Variants in USP34 observed in about 807,000 individuals in gnomAD.
The protein encoded by USP34 is ubiquitin specific peptidase 34.
In USP34, 70 loss-of-function variants were observed where a neutral mutation model predicts 460.3. The observed-to-expected ratio is 0.15, with a 90% CI of 0.13 to 0.19. The LOEUF (loss-of-function observed/expected upper bound fraction) is 0.19, where lower values mean the gene tolerates loss of function less well. Among genes scored for constraint, USP34 ranks in the 10% least tolerant of loss-of-function variants. The pLI is 1.00. For missense variants in USP34, 3,985 were observed against 4,236.2 expected (o/e 0.94, Z 1.65); for synonymous variants, 1,647 against 1,405.3 (o/e 1.17, Z -3.85).
At chr2:61,299,516 G>C (rs1690152339) in intron 29 of USP34, among the ~76,000 whole-genome samples, 1 of 152,156 alleles carries the variant, frequency 6.6e-6, no homozygotes. Flanking sequence ...ACTTTAGGAG[G>C]CTGAGGTGGG....
chr2:61,455,936 C>CA (rs908058316), intron 1 of USP34, among the ~76,000 whole-genome samples: 6 of 152,014 alleles, frequency 3.9e-5, no homozygotes, highest in African/African-American at 1.4e-4. Context: ...ATGACAGGAG[C>CA]AAGATTTGAA....
chr2:61,348,972 C>T (rs1691855812), intron 13 of USP34, 86 bp from the exon 14 acceptor site: 3 of 1,425,204 alleles, frequency 2.1e-6, no homozygotes, highest in Non-Finnish European at 2.8e-6. Context: ...ATTCCTTGAC[C>T]TAGTTACCAA....
intron 75 of USP34, among the ~76,000 whole-genome samples, 153 bp downstream of exon 75, chr2:61,202,987 T>C (rs1687018900): frequency 1.3e-5 from 2 of 151,944 alleles, no homozygotes; most frequent in Admixed American, 1.3e-4. Context: ...GTTTTCTTAA[T>C]GAAAATTAAA....
chr2:61,349,533 T>C (rs1691879280), intron 12 of USP34, among the ~76,000 whole-genome samples: 3 of 151,982 alleles, frequency 2.0e-5, no homozygotes. Flanking sequence ...CCTTGAAAGC[T>C]ATGTATGTTA....
At chr2:61,429,400 T>C (rs1225495583) in intron 1 of USP34, among the ~76,000 whole-genome samples, 2 of 151,906 alleles carry the variant, frequency 1.3e-5, no homozygotes, top group South Asian at 2.1e-4. Flanking sequence ...TGAGCCAAGA[T>C]TGCACCACTG....
intron 69 of USP34, 25 bp downstream of exon 69, chr2:61,211,747 G>T: frequency 6.5e-7 from 1 of 1,541,710 alleles, no homozygotes; most frequent in South Asian, 1.2e-5. Flanking sequence ...AAATAAACAA[G>T]ACAAAACTAA....
intron 33 of USP34, among the ~76,000 whole-genome samples, chr2:61,289,464 G>A (rs1689783979): frequency 6.6e-6 from 1 of 151,954 alleles, no homozygotes; most frequent in African/African-American, 2.4e-5. Context: ...CAGCTGACTG[G>A]AAGCTCAATT....
intron 74 of USP34, 26 bp downstream of exon 74, chr2:61,204,230 T>G (rs1687053997): frequency 4.3e-6 from 7 of 1,613,974 alleles, no homozygotes; most frequent in Non-Finnish European, 5.9e-6. Flanking sequence ...TATAGCAACA[T>G]GGATTTTCCT....
chr2:61,419,398 T>C (rs1694294117), intron 2 of USP34, among the ~76,000 whole-genome samples: 1 of 152,076 alleles, frequency 6.6e-6, no homozygotes, highest in Non-Finnish European at 1.5e-5. Context: ...AACACTTTGA[T>C]ATTCTGATGA....
At chr2:61,196,571 C>T (rs560980091) in intron 75 of USP34, among the ~76,000 whole-genome samples, 2 of 151,984 alleles carry the variant, frequency 1.3e-5, no homozygotes, top group African/African-American at 2.4e-5. Context: ...CACTCTGTTG[C>T]CCAAAGCATG....
At position 61,219,967 on chromosome 2, in the gene USP34, C is replaced by A. The variant is rs1335065681; in HGVS notation, c.8047+343G>T. Among the ~76,000 whole-genome samples the A allele has an allele frequency of 3.3e-5, 5 of 151,636 alleles. No individual in the cohort carries two copies. In the South Asian group the frequency reaches 8.3e-4, roughly 25 times the overall value. On this transcript the variant is annotated intron_variant, in intron 67 of 79. Transcript: ENST00000398571. Reference sequence around the variant, plus strand: ...CTCATAATTTCAGCCAATATTTTCTCTCAGCTTATGTCTTTATTACCATTT... The same window carrying A: ...CTCATAATTTCAGCCAATATTTTCTATCAGCTTATGTCTTTATTACCATTT...
rs1572907824 is a variant in USP34, at chr2:61,294,833, T to C, written c.4461+116A>G. 1.3e-5 allele frequency: 11 copies of C among 839,448 alleles called. No homozygotes were observed. In the East Asian group the frequency reaches 2.8e-4, roughly 21 times the overall value. 52.0% of individuals were successfully genotyped at this position (839,448 alleles called of 1,614,324 possible). A position where few individuals can be genotyped will look rare whatever the true frequency, so the allele number is the denominator to read the frequency against. ...AAAGTAATACATGATTTTTAAACTA[T>C]GCTTTATTTTAATAGTATATTAGTT... On this transcript the variant is annotated intron_variant, in intron 32 of 79. Coordinates refer to ENST00000398571, the MANE Select transcript of USP34 (RefSeq NM_014709.4).
chr2:61,222,469 A>G lies in USP34; in HGVS notation c.7794+150T>C, dbSNP rs976893726. The G allele has an allele frequency of 1.1e-4, 68 of 594,410 alleles. 1 individual carries two copies. Among genetic ancestry groups the G allele is most frequent in the Admixed American group, 7.7e-4 (23 of 29,732 alleles). The allele number at this position is 594,410 out of a possible 1,614,324, so 36.8% of individuals were successfully genotyped here. A position where few individuals can be genotyped will look rare whatever the true frequency, so the allele number is the denominator to read the frequency against. ...CGTAATAAGACATGATTAGTAGTTC[A>G]TTTTATTCACATTATACACTTAAAA... is the stretch of plus-strand genomic sequence containing the variant. On this transcript the variant is annotated intron_variant, in intron 65 of 79. Coordinates refer to ENST00000398571, the MANE Select transcript of USP34 (RefSeq NM_014709.4).
chr2:61,205,436 A>G (rs567131912), intron 72 of USP34, among the ~76,000 whole-genome samples: 15 of 152,318 alleles, frequency 9.8e-5, no homozygotes, highest in Non-Finnish European at 1.5e-4. Context: ...CGGACTGCTT[A>G]TATATGACAG....
chr2:61,424,912 C>T (rs1386019104), intron 1 of USP34, among the ~76,000 whole-genome samples: 1 of 152,118 alleles, frequency 6.6e-6, no homozygotes, highest in East Asian at 1.9e-4. Flanking sequence ...TCACTGCAAC[C>T]TCCGCCTCCC....
intron 68 of USP34, 99 bp downstream of exon 68, chr2:61,213,961 G>T: frequency 7.3e-7 from 1 of 1,366,828 alleles, no homozygotes; most frequent in Non-Finnish European, 1.0e-6. Context: ...AAAGAATGGT[G>T]AGACTATTCT....
intron 33 of USP34, among the ~76,000 whole-genome samples, chr2:61,289,348 A>C (rs1689780751): frequency 6.6e-6 from 1 of 152,194 alleles, no homozygotes; most frequent in Non-Finnish European, 1.5e-5. Context: ...CTAGAAAATA[A>C]TTCAACTGAA....
At chr2:61,250,715 G>A (rs1337904142) in intron 48 of USP34, 1 of 152,474 alleles carries the variant, frequency 6.6e-6, no homozygotes, top group East Asian at 1.9e-4. Flanking sequence ...TCCTTGTATG[G>A]CTGCATCACT....
intron 41 of USP34, among the ~76,000 whole-genome samples, chr2:61,269,323 ATTTT>A (rs397869885): frequency 4.9e-4 from 66 of 134,986 alleles, no homozygotes; most frequent in Middle Eastern, 3.9e-3. Context: ...ACCTTGGCTA[ATTTT>A]TTTTTTTTTT....
Sources: allele counts gnomAD v4.1 joint callset (sites outside exome capture counted in the v4.1 genomes callset), GRCh38; gene constraint gnomAD v4.1.1; transcripts MANE v1.5; gene names NCBI Gene and HGNC (gene_info 2026-07-23, HGNC 2026-07-21).